The following COL25A1 variants were observed in gnomAD, a reference collection of about 807,000 sequenced individuals.
The protein encoded by COL25A1 is collagen alpha-1(XXV) chain.
COL25A1 carries 103 observed loss-of-function variants against 128.4 expected under a neutral mutation model. That is an observed-to-expected ratio of 0.80 (90% CI 0.68 to 0.94). The LOEUF (loss-of-function observed/expected upper bound fraction) is 0.94. Among genes scored for constraint, COL25A1 ranks in the 40% least tolerant of loss-of-function variants. The pLI, the probability that COL25A1 is intolerant of heterozygous loss-of-function variation, is 0.00. For missense variants in COL25A1, 745 were observed against 840.0 expected (o/e 0.89, Z 1.40); for synonymous variants, 279 against 277.2 (o/e 1.01, Z -0.06).
chr4:108,956,902 T>G lies in COL25A1; in HGVS notation c.493-15465A>C, dbSNP rs1296222956. On this transcript the variant is annotated intron_variant, in intron 8 of 37. Coordinates refer to ENST00000399132, the MANE Select transcript of COL25A1 (RefSeq NM_198721.4). ...ACAGGATGGAATGATGAGAGTGGTA[T>G]ACTAACATGGAATAAAAGAAAGTAA... Among the ~76,000 whole-genome samples the G allele has an allele frequency of 2.6e-5, 4 of 152,306 alleles. No individual in the cohort carries two copies. In the East Asian group the frequency reaches 7.7e-4, roughly 29 times the overall value.
chr4:108,978,563 A>C (rs1376749344), intron 6 of COL25A1, among the ~76,000 whole-genome samples: 1 of 152,224 alleles, frequency 6.6e-6, no homozygotes, highest in Non-Finnish European at 1.5e-5. Context: ...TTTAGCATTA[A>C]AAAAGCTAAC....
In COL25A1 at chr4:109,275,660, T is replaced by C. The variant is rs189280380; in HGVS notation, c.367+24923A>G. 1.6e-3 allele frequency among the ~76,000 whole-genome samples: 238 copies of C among 152,356 alleles called. 1 individual carries two copies. Among genetic ancestry groups the C allele is most frequent in the African/African-American group, 5.1e-3 (214 of 41,590 alleles). On this transcript the variant is annotated intron_variant, in intron 3 of 37. Transcript: ENST00000399132. Reference sequence around the variant, plus strand: ...CAAGCATTCTCTCAAAGAGTTGTAATGATCCTGTCTCCTTCACTCTTTCTC... The same window carrying C: ...CAAGCATTCTCTCAAAGAGTTGTAACGATCCTGTCTCCTTCACTCTTTCTC...
chr4:108,837,838 C>G (rs1043627317), intron 31 of COL25A1, among the ~76,000 whole-genome samples: 5 of 152,214 alleles, frequency 3.3e-5, no homozygotes, highest in Admixed American at 6.5e-5. Context: ...GAGGAATTGT[C>G]AGCCCTAAAA....
chr4:109,181,487 T>A (rs1291959677), intron 3 of COL25A1, among the ~76,000 whole-genome samples: 1 of 152,148 alleles, frequency 6.6e-6, no homozygotes, highest in Non-Finnish European at 1.5e-5. Context: ...TGGTTATATA[T>A]ATTTAAAAAT....
intron 12 of COL25A1, 125 bp downstream of exon 12, chr4:108,920,453 A>G: frequency 1.8e-6 from 1 of 570,076 alleles, no homozygotes; most frequent in Non-Finnish European, 3.0e-6. Context: ...TTTAGAAAGC[A>G]GAATACACAA....
chr4:109,136,990 C>A (rs929617268), intron 3 of COL25A1, among the ~76,000 whole-genome samples: 2 of 152,212 alleles, frequency 1.3e-5, no homozygotes, highest in South Asian at 2.1e-4. Flanking sequence ...GAGATGACTG[C>A]AGCCCTGGTT....
chr4:109,294,192 C>T (rs978008820), intron 3 of COL25A1, among the ~76,000 whole-genome samples: 6 of 152,070 alleles, frequency 3.9e-5, no homozygotes, highest in South Asian at 2.1e-4. Context: ...AGAGGAAGTA[C>T]GCTATTCAGC....
intron 5 of COL25A1, among the ~76,000 whole-genome samples, chr4:109,021,313 G>A (rs1045776955): frequency 3.9e-5 from 6 of 152,140 alleles, no homozygotes; most frequent in Non-Finnish European, 5.9e-5. Flanking sequence ...TCACTGTTGC[G>A]GGAAGTCAGG....
At chr4:108,848,668 C>T (rs1735393784) in intron 27 of COL25A1, 91 bp downstream of exon 27, 1 of 860,552 alleles carries the variant, frequency 1.2e-6, no homozygotes, top group Admixed American at 1.9e-5. Flanking sequence ...TATCAAATAT[C>T]AATGCTCATG....
intron 13 of COL25A1, among the ~76,000 whole-genome samples, chr4:108,904,560 T>C (rs1409118672): frequency 6.6e-6 from 1 of 152,096 alleles, no homozygotes; most frequent in Non-Finnish European, 1.5e-5. Flanking sequence ...TACATAATAG[T>C]GAACATGTAC....
At chr4:108,896,158 C>A (rs771425931) in intron 16 of COL25A1, among the ~76,000 whole-genome samples, 2 of 151,558 alleles carry the variant, frequency 1.3e-5, no homozygotes, top group Non-Finnish European at 2.9e-5. Flanking sequence ...CTGTGTTAGC[C>A]AGGATGGTCT....
At chr4:109,186,135 T>G (rs1775110143) in intron 3 of COL25A1, among the ~76,000 whole-genome samples, 1 of 152,042 alleles carries the variant, frequency 6.6e-6, no homozygotes, top group African/African-American at 2.4e-5. Flanking sequence ...TGGGAATGAA[T>G]GAGATGAAAG....
chr4:108,941,377 G>A lies in COL25A1; in HGVS notation c.553C>T (p.Arg185Cys), dbSNP rs768570811. The change falls in exon 9 of 38, where the codon CGC becomes TGC. Residue 185 changes from arginine (R) to cysteine (C), a missense_variant. Around this residue, in one of 3 missense-constraint regions of COL25A1, gnomAD observed 319 missense variants for 324.9 expected, o/e 0.98. Transcript: ENST00000399132. ...LSADQQLIKR[R>C]LIKGDQGQAG... is the part of the protein sequence containing the mutation. Reference sequence around the variant, plus strand: ...AGAATAAGCACTACCTTAATCAGGCGGCGTTTAATGAGCTGCTGATCAGCA... The same window carrying A: ...AGAATAAGCACTACCTTAATCAGGCAGCGTTTAATGAGCTGCTGATCAGCA... The A allele has an allele frequency of 9.9e-6, 16 of 1,613,398 alleles. No individual in the cohort carries two copies. The highest frequency in any genetic ancestry group is 3.3e-4 in the Middle Eastern group (2 of 6,082).
At chr4:108,900,175 T>C (rs1434283192) in intron 14 of COL25A1, among the ~76,000 whole-genome samples, 1 of 152,178 alleles carries the variant, frequency 6.6e-6, no homozygotes, top group Non-Finnish European at 1.5e-5. Flanking sequence ...CCCATCCTGA[T>C]GGTCGCTAGG....
chr4:109,022,415 G>A (rs924165305), intron 5 of COL25A1, among the ~76,000 whole-genome samples: 13 of 152,334 alleles, frequency 8.5e-5, no homozygotes, highest in African/African-American at 3.1e-4. Context: ...AAAGAGAAGA[G>A]GTGGGCTGCT....
intron 5 of COL25A1, chr4:109,021,805 G>T: frequency 2.2e-6 from 1 of 453,258 alleles, no homozygotes; most frequent in South Asian, 1.6e-5. Flanking sequence ...CGCTCTGGGA[G>T]TGTCTGTCCT....
intron 11 of COL25A1, among the ~76,000 whole-genome samples, chr4:108,927,138 G>A (rs1241519572): frequency 4.6e-5 from 7 of 152,236 alleles, no homozygotes; most frequent in African/African-American, 2.4e-5. Flanking sequence ...GTCTTCATGT[G>A]AAGTTCTTAA....
At chr4:109,075,598 AT>A (rs2125987639) in intron 3 of COL25A1, among the ~76,000 whole-genome samples, 1 of 152,238 alleles carries the variant, frequency 6.6e-6, no homozygotes, top group African/African-American at 2.4e-5. Context: ...ACACTTTTAG[AT>A]TATACTTTCT....
At chr4:109,081,309 G>C (rs1183047230) in intron 3 of COL25A1, among the ~76,000 whole-genome samples, 2 of 151,856 alleles carry the variant, frequency 1.3e-5, no homozygotes, top group African/African-American at 2.4e-5. Flanking sequence ...AAAGGGCAAG[G>C]GATATACAAA....
Sources: gnomAD v4.1 joint callset for allele counts (sites outside exome capture counted in the v4.1 genomes callset) on GRCh38, gnomAD v4.1.1 for gene constraint, gnomAD v4.1.1 regional missense constraint, MANE v1.5 for transcripts, NCBI Gene and HGNC (gene_info 2026-07-23, HGNC 2026-07-21) for gene names.